PCDHGB2: variants seen among roughly 807,000 people sequenced by gnomAD.
The protein encoded by PCDHGB2 is protocadherin gamma subfamily B, 2, also known as protocadherin gamma-B2.
Under a neutral mutation model 59.3 loss-of-function variants are expected in PCDHGB2, and 55 were observed. The observed-to-expected ratio is 0.93, with a 90% CI of 0.75 to 1.16. The LOEUF is 1.16. Ranked by LOEUF, PCDHGB2 falls within the 50% of genes most tolerant of loss-of-function variation. The pLI is 0.00. For synonymous variants in PCDHGB2, 516 were observed against 512.0 expected (o/e 1.01, Z -0.11); for missense variants, 1,228 against 1,198.5 (o/e 1.02, Z -0.36).
intron 1 of PCDHGB2, chr5:141,402,906 C>T: frequency 1.3e-6 from 2 of 1,529,180 alleles, no homozygotes; most frequent in Non-Finnish European, 1.8e-6. Context: ...CCTGATGAAG[C>T]AGCGCGCACA....
chr5:141,394,004 A>C (rs1220367944), intron 1 of PCDHGB2: 3 of 1,613,496 alleles, frequency 1.9e-6, no homozygotes. Flanking sequence ...TAGAAAAGTC[A>C]ATAGGTAATT....
chr5:141,384,822 C>T (rs149266522), intron 1 of PCDHGB2: 80 of 1,613,436 alleles, frequency 5.0e-5, no homozygotes, highest in Admixed American at 3.2e-4. Flanking sequence ...TCAAGCAGAG[C>T]CTCGTGGTGG....
rs776335336 is a variant in PCDHGB2 at position 141,403,470 on chromosome 5, G to A, written c.2421+40914G>A. The A allele has an allele frequency of 3.7e-5, 59 of 1,613,910 alleles. No homozygotes were observed. Among genetic ancestry groups the A allele is most frequent in the Non-Finnish European group, 4.8e-5 (57 of 1,179,918 alleles). ...AACTCCCTCCAGAGCTACCAGCTCAGCCCCAATCACCACTTCTCCCTGAAC... is the reference window on the plus strand; with the variant it reads ...AACTCCCTCCAGAGCTACCAGCTCAACCCCAATCACCACTTCTCCCTGAAC... On this transcript the variant is annotated intron_variant, in intron 1 of 3. Coordinates refer to ENST00000522605, the MANE Select transcript of PCDHGB2 (RefSeq NM_018923.3).
Position 141,491,262 on chromosome 5 carries a change from G to A in PCDHGB2, c.2422-3545G>A. ...TGGAGGATGAGGACCCTGAGGAAATGCCCAAATCCAGTGACTTCCTCATAC... is the reference window on the plus strand; with the variant it reads ...TGGAGGATGAGGACCCTGAGGAAATACCCAAATCCAGTGACTTCCTCATAC... On this transcript the variant is annotated intron_variant, in intron 1 of 3. Transcript: ENST00000522605. The surrounding 1 kb of genome is among the most constrained non-coding windows in gnomAD (Gnocchi z 6.9). 2 of 1,614,122 alleles carry A rather than the reference G, an allele frequency of 1.2e-6. No individual in the cohort carries two copies. Among genetic ancestry groups the A allele is most frequent in the Non-Finnish European group, 1.7e-6 (2 of 1,179,952 alleles).
In PCDHGB2 at chr5:141,414,656, C is replaced by A. The variant is rs1409573217; in HGVS notation, c.2421+52100C>A. The A allele has an allele frequency of 1.2e-5, 20 of 1,614,008 alleles. No individual in the cohort carries two copies. Among genetic ancestry groups the A allele is most frequent in the Non-Finnish European group, 1.7e-5 (20 of 1,179,888 alleles). On this transcript the variant is annotated intron_variant, in intron 1 of 3. Transcript: ENST00000522605. ...AAAGAGAATGCCCAGATTATTTACTCCCTGGCTGAAGACACCATCCAGGGG... is the reference window on the plus strand; with the variant it reads ...AAAGAGAATGCCCAGATTATTTACTACCTGGCTGAAGACACCATCCAGGGG...
intron 1 of PCDHGB2, chr5:141,418,622 G>C: frequency 6.2e-7 from 1 of 1,614,026 alleles, no homozygotes; most frequent in Non-Finnish European, 8.5e-7. Context: ...TCGGGAAGAC[G>C]TGCCTCCAGG....
At chr5:141,383,393 A>G in intron 1 of PCDHGB2, 1 of 1,613,922 alleles carries the variant, frequency 6.2e-7, no homozygotes, top group Non-Finnish European at 8.5e-7. Context: ...GTGGGCACGA[A>G]CTCCCTCCAG....
intron 1 of PCDHGB2, chr5:141,384,751 G>T (rs1403362361): frequency 1.2e-6 from 2 of 1,614,050 alleles, no homozygotes; most frequent in East Asian, 4.5e-5. Flanking sequence ...AGGACTCTTT[G>T]CGGTTGGGCT....
chr5:141,404,165 T>C, intron 1 of PCDHGB2: 1 of 1,613,246 alleles, frequency 6.2e-7, no homozygotes, highest in South Asian at 1.1e-5. Flanking sequence ...TTACAGATTG[T>C]TGACGGCCCA....
chr5:141,468,651 G>C (rs2099171216), intron 1 of PCDHGB2: 1 of 152,018 alleles, frequency 6.6e-6, no homozygotes, highest in African/African-American at 2.4e-5. Context: ...CGGATCACAA[G>C]GTCAGGAGAT....
In PCDHGB2 at chr5:141,491,789, T is replaced by G; in HGVS notation, c.2422-3018T>G. The G allele has an allele frequency of 6.6e-7, 1 of 1,525,854 alleles. No individual in the cohort carries two copies. Among genetic ancestry groups the G allele is most frequent in the Non-Finnish European group, 8.8e-7 (1 of 1,137,340 alleles). The allele number at this position is 1,525,854 out of a possible 1,614,324, so 94.5% of individuals were successfully genotyped here. ...CATAAGGGATTGAACTTGCATCCAC[T>G]CCTCTCCGGCCGGCTTGGTCGCTGG... On this transcript the variant is annotated intron_variant, in intron 1 of 3. Transcript: ENST00000522605. The surrounding 1 kb of genome is among the most constrained non-coding windows in gnomAD (Gnocchi z 6.9).
At chr5:141,496,249 A>G (rs1385823714) in intron 2 of PCDHGB2, among the ~76,000 whole-genome samples, 1 of 152,078 alleles carries the variant, frequency 6.6e-6, no homozygotes, top group East Asian at 1.9e-4. Context: ...GCTGAAGGGG[A>G]GGGAAACTTC....
chr5:141,402,357 G>C (rs1486286220), intron 1 of PCDHGB2, among the ~76,000 whole-genome samples: 1 of 151,812 alleles, frequency 6.6e-6, no homozygotes, highest in Non-Finnish European at 1.5e-5. Flanking sequence ...AAAAATGAAT[G>C]TACTTCCAAA....
At chr5:141,403,501 G>A in intron 1 of PCDHGB2, 1 of 1,614,048 alleles carries the variant, frequency 6.2e-7, no homozygotes, top group South Asian at 1.1e-5. Context: ...TGAACGTGCA[G>A]ACTGGAGACA....
intron 1 of PCDHGB2, chr5:141,410,314 C>T: frequency 6.2e-7 from 1 of 1,614,036 alleles, no homozygotes; most frequent in Non-Finnish European, 8.5e-7. Context: ...TGCTCTTCCT[C>T]CTCGCCGTGA....
intron 1 of PCDHGB2, chr5:141,418,665 A>G: frequency 6.2e-7 from 1 of 1,614,070 alleles, no homozygotes; most frequent in Middle Eastern, 1.6e-4. Flanking sequence ...GCCACTGACC[A>G]GGACGAGGGC....
chr5:141,462,959 G>A lies in PCDHGB2; in HGVS notation c.2422-31848G>A, dbSNP rs188938907. 5.1e-3 allele frequency among the ~76,000 whole-genome samples: 776 copies of A among 152,188 alleles called. 5 individuals are homozygous for A. Among genetic ancestry groups the A allele is most frequent in the Non-Finnish European group, 8.2e-3 (557 of 67,994 alleles). On this transcript the variant is annotated intron_variant, in intron 1 of 3. Transcript: ENST00000522605. ...AAGGCTTGTTTTTAAGCTTTGTTAGGACAGGTCTGTAGTAACTTTTGCCTT... is the reference window on the plus strand; with the variant it reads ...AAGGCTTGTTTTTAAGCTTTGTTAGAACAGGTCTGTAGTAACTTTTGCCTT...
intron 1 of PCDHGB2, chr5:141,384,915 G>C (rs1460379128): frequency 1.2e-6 from 2 of 1,613,914 alleles, no homozygotes; most frequent in Non-Finnish European, 1.7e-6. Context: ...CCGAAGTCTT[G>C]GCCGACCTGG....
chr5:141,382,729 A>G, intron 1 of PCDHGB2: 1 of 548,650 alleles, frequency 1.8e-6, no homozygotes, highest in Non-Finnish European at 3.1e-6. Flanking sequence ...GTTTTACAGC[A>G]CAGAGAAACG....
Sources: allele counts gnomAD v4.1 joint callset (sites outside exome capture counted in the v4.1 genomes callset), GRCh38; gene constraint gnomAD v4.1.1; non-coding constraint Gnocchi (gnomAD v3.1); transcripts MANE v1.5; gene names NCBI Gene and HGNC (gene_info 2026-07-23, HGNC 2026-07-21).